RAD23B: variants seen among roughly 807,000 people sequenced by gnomAD.
The protein encoded by RAD23B is RAD23 nucleotide excision repair protein B.
In RAD23B, 5 loss-of-function variants were observed where a neutral mutation model predicts 49.1. That is an observed-to-expected ratio of 0.10 (90% CI 0.05 to 0.21). The LOEUF (loss-of-function observed/expected upper bound fraction) is 0.21, where lower values mean the gene tolerates loss of function less well. Among genes scored for constraint, RAD23B ranks in the 10% least tolerant of loss-of-function variants. RAD23B has a pLI of 1.00. For synonymous variants in RAD23B, 184 were observed against 165.4 expected (o/e 1.11, Z -0.86); for missense variants, 356 against 486.7 (o/e 0.73, Z 2.53).
At chr9:107,298,317 A>T (rs1826575275) in intron 1 of RAD23B, among the ~76,000 whole-genome samples, 1 of 151,574 alleles carries the variant, frequency 6.6e-6, no homozygotes, top group African/African-American at 2.4e-5. Flanking sequence ...GTTTTATTTT[A>T]TTTATTTATT....
intron 1 of RAD23B, among the ~76,000 whole-genome samples, chr9:107,293,983 C>CTG (rs1266697928): frequency 6.6e-6 from 1 of 152,164 alleles, no homozygotes. Flanking sequence ...TGGTGGCTCA[C>CTG]TATGTTGACC....
At chr9:107,299,783 T>TG (rs1167677496) in intron 1 of RAD23B, among the ~76,000 whole-genome samples, 2 of 152,194 alleles carry the variant, frequency 1.3e-5, no homozygotes, top group Non-Finnish European at 2.9e-5. Context: ...GACTGTTTTA[T>TG]TTCTTAGATT....
At position 107,331,855 on chromosome 9, in the gene RAD23B, T is replaced by C; in HGVS notation, c.*2199T>C. 3.4e-6 allele frequency: 2 copies of C among 592,820 alleles called. No individual in the cohort carries two copies. Among genetic ancestry groups the C allele is most frequent in the South Asian group, 4.7e-5 (2 of 42,868 alleles). 36.7% of individuals were successfully genotyped at this position (592,820 alleles called of 1,614,324 possible). On this transcript the variant is annotated 3_prime_UTR_variant, in exon 10 of 10. Coordinates refer to ENST00000358015, the MANE Select transcript of RAD23B (RefSeq NM_002874.5). Reference sequence around the variant, plus strand: ...CCTTGTTTATCTGCTTCTTAAAGAATCAGCCGAGACACCATAAAAGAAATA... The same window carrying C: ...CCTTGTTTATCTGCTTCTTAAAGAACCAGCCGAGACACCATAAAAGAAATA...
chr9:107,320,096 A>G (rs953360281), intron 6 of RAD23B, among the ~76,000 whole-genome samples: 6 of 152,246 alleles, frequency 3.9e-5, no homozygotes, highest in African/African-American at 1.2e-4. Context: ...TATAAGCCTC[A>G]TAACTGTACT....
Position 107,329,688 on chromosome 9 carries a change from C to A in RAD23B, c.*32C>A. On this transcript the variant is annotated 3_prime_UTR_variant, in exon 10 of 10. Transcript: ENST00000358015. ...CTTTTTTATATCTCACACTTCACAC[C>A]AGTGCATTACACTAACTTGTTCACT... 1 of 1,404,130 alleles carries A rather than the reference C, an allele frequency of 7.1e-7. No individual in the cohort carries two copies. Among genetic ancestry groups the A allele is most frequent in the South Asian group, 1.2e-5 (1 of 86,222 alleles). 87.0% of individuals were successfully genotyped at this position (1,404,130 alleles called of 1,614,324 possible). A position where few individuals can be genotyped will look rare whatever the true frequency, so the allele number is the denominator to read the frequency against.
intron 1 of RAD23B, chr9:107,284,689 A>T (rs1332214727): frequency 1.8e-6 from 2 of 1,097,132 alleles, no homozygotes; most frequent in East Asian, 6.5e-5. Context: ...CACCGCCAAG[A>T]TTGTCATAAT....
chr9:107,294,460 T>G (rs987803583), intron 1 of RAD23B, among the ~76,000 whole-genome samples: 4 of 152,162 alleles, frequency 2.6e-5, no homozygotes, highest in Non-Finnish European at 4.4e-5. Context: ...ATGGGAGCAT[T>G]GGTGTGGGGC....
intron 1 of RAD23B, among the ~76,000 whole-genome samples, chr9:107,287,444 A>G (rs2133061309): frequency 6.6e-6 from 1 of 152,390 alleles, no homozygotes; most frequent in South Asian, 2.1e-4. Flanking sequence ...AATTCTACAT[A>G]TACATTGGAT....
At chr9:107,316,671 A>T (rs1827004782) in intron 5 of RAD23B, among the ~76,000 whole-genome samples, 1 of 152,182 alleles carries the variant, frequency 6.6e-6, no homozygotes, top group Non-Finnish European at 1.5e-5. Flanking sequence ...TTTAGCTATT[A>T]AACACCTTTA....
At chr9:107,284,388 A>G (rs945912687) in intron 1 of RAD23B, among the ~76,000 whole-genome samples, 1 of 152,092 alleles carries the variant, frequency 6.6e-6, no homozygotes, top group African/African-American at 2.4e-5. Flanking sequence ...CTTCAGATTT[A>G]ACGGGTTTTC....
At chr9:107,300,373 T>A in intron 2 of RAD23B, 151 bp downstream of exon 2, 1 of 922,980 alleles carries the variant, frequency 1.1e-6, no homozygotes, top group Non-Finnish European at 1.5e-6. Context: ...AATCTAATAT[T>A]AATATTCAAT....
Position 107,311,684 on chromosome 9 carries a change from C to T in RAD23B, c.500C>T (p.Thr167Ile), listed in dbSNP as rs1478993300. 2 of 1,572,256 alleles carry T rather than the reference C, an allele frequency of 1.3e-6. No individual in the cohort carries two copies. Among genetic ancestry groups the T allele is most frequent in the East Asian group, 2.3e-5 (1 of 43,104 alleles). Residue 167 changes from threonine to isoleucine, a missense_variant and splice_region_variant, in exon 5 of 10, where the codon ACA becomes ATA. This residue lies in a region of RAD23B where 137 missense variants were observed against 122.0 expected (regional missense o/e 1.12). Transcript: ENST00000358015. ...VATSPTATDSTSGDSSRSNLF... is the reference protein window; with the variant it reads ...VATSPTATDSISGDSSRSNLF... ...ATTTTTCTAAAATCCTTTTGTAGTA[C>T]ATCGGGTGATTCTTCTCGGTCAAAC... is the stretch of plus-strand genomic sequence containing the variant.
intron 5 of RAD23B, 82 bp downstream of exon 5, chr9:107,311,819 T>C: frequency 9.5e-7 from 1 of 1,054,732 alleles, no homozygotes; most frequent in Non-Finnish European, 1.4e-6. Flanking sequence ...ATAAAAGTGT[T>C]AATAATTTGC....
At position 107,330,376 on chromosome 9, in the gene RAD23B, T is replaced by G. The variant is rs1827284969; in HGVS notation, c.*720T>G. Reference sequence around the variant, plus strand: ...TCCTGTTTACATTTTTTTTTTGTTTTGGGGAAAAAATTGGTAGGTGTCTAA... The same window carrying G: ...TCCTGTTTACATTTTTTTTTTGTTTGGGGGAAAAAATTGGTAGGTGTCTAA... On this transcript the variant is annotated 3_prime_UTR_variant, in exon 10 of 10. Transcript: ENST00000358015. The surrounding 1 kb of genome is among the most constrained non-coding windows in gnomAD (Gnocchi z 4.4). The G allele has an allele frequency of 6.6e-6, 1 of 152,618 alleles. No homozygotes were observed. The highest frequency in any genetic ancestry group is 2.4e-5 in the African/African-American group (1 of 41,444). The allele number at this position is 152,618 out of a possible 1,614,324, so 9.5% of individuals were successfully genotyped here.
chr9:107,316,802 GAAA>G (rs1827006594), intron 5 of RAD23B, among the ~76,000 whole-genome samples: 1 of 136,446 alleles, frequency 7.3e-6, no homozygotes, highest in African/African-American at 2.8e-5. Context: ...GTTGGGGCAA[GAAA>G]AAAATAATGA....
chr9:107,331,198 C>T lies in RAD23B; in HGVS notation c.*1542C>T, dbSNP rs1587868628. Reference sequence around the variant, plus strand: ...AGCATTTACATCACGTACTCATAACCTATTATGAAAATAAATGAAACTGGC... The same window carrying T: ...AGCATTTACATCACGTACTCATAACTTATTATGAAAATAAATGAAACTGGC... On this transcript the variant is annotated 3_prime_UTR_variant, in exon 10 of 10. Transcript: ENST00000358015. 1 of 154,664 alleles carries T rather than the reference C, an allele frequency of 6.5e-6. No individual in the cohort carries two copies. The highest frequency in any genetic ancestry group is 1.9e-4 in the East Asian group (1 of 5,292). The allele number at this position is 154,664 out of a possible 1,614,324, so 9.6% of individuals were successfully genotyped here.
At chr9:107,286,265 A>G (rs1347642848) in intron 1 of RAD23B, among the ~76,000 whole-genome samples, 2 of 152,214 alleles carry the variant, frequency 1.3e-5, no homozygotes, top group Non-Finnish European at 2.9e-5. Context: ...GAACAAGTAA[A>G]TGTTTAGTGA....
intron 3 of RAD23B, among the ~76,000 whole-genome samples, chr9:107,305,902 G>C (rs960071469): frequency 1.3e-5 from 2 of 151,680 alleles, no homozygotes; most frequent in Admixed American, 6.6e-5. Flanking sequence ...TTCAGGCCCG[G>C]AGTTCAAGAC....
chr9:107,317,134 T>C (rs1395434333), intron 5 of RAD23B, among the ~76,000 whole-genome samples: 2 of 152,050 alleles, frequency 1.3e-5, no homozygotes, highest in Non-Finnish European at 2.9e-5. Context: ...ACTTGACTTT[T>C]GCAACTGGCT....
Sources: allele counts gnomAD v4.1 joint callset (sites outside exome capture counted in the v4.1 genomes callset), GRCh38; gene constraint gnomAD v4.1.1; regional missense constraint gnomAD v4.1.1; non-coding constraint Gnocchi (gnomAD v3.1); transcripts MANE v1.5; gene names NCBI Gene and HGNC (gene_info 2026-07-23, HGNC 2026-07-21).